NAV3: variants seen among roughly 807,000 people sequenced by gnomAD.
NAV3 encodes pore membrane and/or filament interacting like protein 1.
In NAV3, 87 loss-of-function variants were observed where a neutral mutation model predicts 244.7. The ratio of observed to expected loss-of-function variants is 0.36; its 90% CI spans 0.30 to 0.42. The LOEUF (loss-of-function observed/expected upper bound fraction) is 0.42. Ranked by LOEUF, NAV3 falls within the 20% of genes least tolerant of loss-of-function variation. The pLI is 1.00. For missense variants in NAV3, 2,663 were observed against 2,893.3 expected (o/e 0.92, Z 1.83); for synonymous variants, 1,126 against 1,042.2 (o/e 1.08, Z -1.55).
In NAV3 at chr12:78,137,159, G is replaced by C. The variant is rs1011779887; in HGVS notation, c.4442-18G>C. 6.2e-6 allele frequency: 10 copies of C among 1,603,870 alleles called. No homozygotes were observed. The highest frequency in any genetic ancestry group is 7.7e-6 in the Non-Finnish European group (9 of 1,174,840). On this transcript the variant is annotated intron_variant, in intron 18 of 39. Coordinates refer to ENST00000397909, the MANE Select transcript of NAV3 (RefSeq NM_001024383.2). Reference sequence around the variant, plus strand: ...TTCAAGCTTAAGAGTAATAGGCTCTGTGTGTTTTGTTTTTCAGTGAGCCCA... The same window carrying C: ...TTCAAGCTTAAGAGTAATAGGCTCTCTGTGTTTTGTTTTTCAGTGAGCCCA...
chr12:77,604,912 A>C (rs1870603267), intron 2 of NAV3, among the ~76,000 whole-genome samples: 1 of 152,166 alleles, frequency 6.6e-6, no homozygotes, highest in South Asian at 2.1e-4. Context: ...AACTCTAAAC[A>C]AAAACAAATG....
chr12:77,801,266 T>C (rs1366939399), intron 2 of NAV3, among the ~76,000 whole-genome samples: 1 of 152,128 alleles, frequency 6.6e-6, no homozygotes, highest in Non-Finnish European at 1.5e-5. Flanking sequence ...TTTACATTAT[T>C]CCACAGCATA....
At chr12:77,881,043 A>G (rs113804468) in intron 1 of NAV3, among the ~76,000 whole-genome samples, 2 of 152,292 alleles carry the variant, frequency 1.3e-5, no homozygotes, top group African/African-American at 2.4e-5. Context: ...ATCATAGTGC[A>G]TTACAGCCTC....
intron 2 of NAV3, among the ~76,000 whole-genome samples, chr12:77,721,061 A>T (rs1198212796): frequency 1.3e-5 from 2 of 152,202 alleles, no homozygotes; most frequent in African/African-American, 4.8e-5. Flanking sequence ...TCGGAGGAGC[A>T]TGTGCTATTG....
chr12:77,889,739 T>C (rs986847390), intron 1 of NAV3, among the ~76,000 whole-genome samples: 1 of 152,154 alleles, frequency 6.6e-6, no homozygotes, highest in African/African-American at 2.4e-5. Context: ...TAACTTTAGG[T>C]TTTTCTCAAT....
intron 1 of NAV3, among the ~76,000 whole-genome samples, chr12:77,935,422 C>A (rs894938131): frequency 1.3e-5 from 2 of 152,114 alleles, no homozygotes; most frequent in Non-Finnish European, 2.9e-5. Flanking sequence ...GCTACAAGGT[C>A]ATTACAACTT....
intron 2 of NAV3, among the ~76,000 whole-genome samples, chr12:77,710,766 G>A (rs1367406053): frequency 6.6e-6 from 1 of 151,918 alleles, no homozygotes; most frequent in Non-Finnish European, 1.5e-5. Context: ...TAGAAAAATG[G>A]CACTTTATAT....
At chr12:77,797,533 T>C (rs865993247) in intron 2 of NAV3, among the ~76,000 whole-genome samples, 2,187 of 149,164 alleles carry the variant, frequency 0.015, 57 homozygotes, top group African/African-American at 0.051. Flanking sequence ...AGTTTTTTTT[T>C]TTTTTTTTTT....
chr12:78,196,711 T>C (rs1317669411), intron 34 of NAV3, among the ~76,000 whole-genome samples: 1 of 152,012 alleles, frequency 6.6e-6, no homozygotes, highest in Non-Finnish European at 1.5e-5. Context: ...ATAATAAGCA[T>C]ACTTTTATCA....
chr12:77,999,653 T>G (rs74684666), intron 7 of NAV3, among the ~76,000 whole-genome samples: 1 of 151,994 alleles, frequency 6.6e-6, no homozygotes, highest in Non-Finnish European at 1.5e-5. Context: ...AAATGGAAAA[T>G]GAAAAACAAA....
At chr12:77,746,163 AC>A (rs1370802185) in intron 2 of NAV3, among the ~76,000 whole-genome samples, 1 of 152,114 alleles carries the variant, frequency 6.6e-6, no homozygotes, top group Non-Finnish European at 1.5e-5. Flanking sequence ...TGAGCTGTGT[AC>A]TTTACCTACA....
At chr12:78,089,415 A>G (rs1953807243) in intron 12 of NAV3, among the ~76,000 whole-genome samples, 1 of 152,166 alleles carries the variant, frequency 6.6e-6, no homozygotes, top group Non-Finnish European at 1.5e-5. Context: ...TGCTTTGTTT[A>G]AACAGGCATA....
At chr12:78,005,242 T>G (rs530789803) in intron 7 of NAV3, among the ~76,000 whole-genome samples, 6 of 152,130 alleles carry the variant, frequency 3.9e-5, no homozygotes, top group Non-Finnish European at 7.4e-5. Context: ...TATTTTGGTT[T>G]TAGAGATTAT....
intron 12 of NAV3, among the ~76,000 whole-genome samples, chr12:78,097,963 A>C (rs1292365448): frequency 6.6e-6 from 1 of 152,180 alleles, no homozygotes; most frequent in Non-Finnish European, 1.5e-5. Context: ...AATTTAGCTC[A>C]GACTTAATAG....
At chr12:77,939,856 A>G (rs146058075) in intron 1 of NAV3, among the ~76,000 whole-genome samples, 2,125 of 152,318 alleles carry the variant, frequency 0.014, 27 homozygotes, top group Non-Finnish European at 0.023. Context: ...AAATGATGCC[A>G]AAATCTTGTC....
At chr12:77,970,506 T>G (rs1367052737) in intron 5 of NAV3, among the ~76,000 whole-genome samples, 1 of 152,150 alleles carries the variant, frequency 6.6e-6, no homozygotes, top group East Asian at 1.9e-4. Flanking sequence ...TTTTCACTCA[T>G]CAGTGAATTT....
At chr12:78,129,003 T>A (rs1956048904) in intron 18 of NAV3, 137 bp downstream of exon 18, 1 of 747,430 alleles carries the variant, frequency 1.3e-6, no homozygotes, top group Non-Finnish European at 2.1e-6. Flanking sequence ...ACCTTTCATT[T>A]GTGTCATTGT....
chr12:77,698,670 A>G (rs1296841059), intron 2 of NAV3, among the ~76,000 whole-genome samples: 1 of 152,200 alleles, frequency 6.6e-6, no homozygotes, highest in Non-Finnish European at 1.5e-5. Context: ...AAGTGAGACC[A>G]TGGAAGGATT....
chr12:77,659,870 AAC>A (rs1449094382), intron 2 of NAV3, among the ~76,000 whole-genome samples: 4 of 151,826 alleles, frequency 2.6e-5, no homozygotes, highest in Non-Finnish European at 5.9e-5. Flanking sequence ...ACAAAAACCA[AAC>A]ACAGCATGTT....
Sources: allele counts gnomAD v4.1 joint callset (sites outside exome capture counted in the v4.1 genomes callset), GRCh38; gene constraint gnomAD v4.1.1; transcripts MANE v1.5; gene names NCBI Gene and HGNC (gene_info 2026-07-23, HGNC 2026-07-21).